The following SPAG16 variants were observed in gnomAD, a reference collection of about 807,000 sequenced individuals.
The protein encoded by SPAG16 is sperm-associated antigen 16 protein.
A neutral mutation model predicts 80.4 loss-of-function variants in SPAG16; 86 were observed. That is an observed-to-expected ratio of 1.07 (90% CI 0.90 to 1.28). The LOEUF (loss-of-function observed/expected upper bound fraction) is 1.28. Among genes scored for constraint, SPAG16 ranks in the 50% most tolerant of loss-of-function variants. The pLI is 0.00. For synonymous variants in SPAG16, 294 were observed against 265.9 expected (o/e 1.11, Z -1.03); for missense variants, 870 against 765.3 (o/e 1.14, Z -1.61).
chr2:214,149,108 C>A, intron 14 of SPAG16, 32 bp from the exon 15 acceptor site: 1 of 1,053,886 alleles, frequency 9.5e-7, no homozygotes, highest in Non-Finnish European at 1.3e-6. Flanking sequence ...CATACATACA[C>A]ATTTTATTTT....
intron 13 of SPAG16, among the ~76,000 whole-genome samples, chr2:214,095,908 T>G (rs1175183127): frequency 1.3e-5 from 2 of 151,934 alleles, no homozygotes; most frequent in Non-Finnish European, 2.9e-5. Flanking sequence ...ACTGTTTCTA[T>G]GGGGGAAAAT....
chr2:214,152,650 A>G (rs547877937), intron 15 of SPAG16, among the ~76,000 whole-genome samples: 201 of 152,284 alleles, frequency 1.3e-3, no homozygotes, highest in Non-Finnish European at 2.1e-3. Flanking sequence ...AGGGACCACT[A>G]CCACCAATGC....
chr2:213,839,544 G>A (rs188653078), intron 10 of SPAG16, among the ~76,000 whole-genome samples: 23 of 152,216 alleles, frequency 1.5e-4, no homozygotes, highest in African/African-American at 5.1e-4. Context: ...TAATCAAGTT[G>A]CAAACTTTGA....
intron 9 of SPAG16, among the ~76,000 whole-genome samples, chr2:213,398,649 C>T (rs923554299): frequency 1.3e-5 from 2 of 152,126 alleles, no homozygotes; most frequent in Non-Finnish European, 2.9e-5. Flanking sequence ...TTTTCATAGC[C>T]ATCCAATCTA....
At chr2:213,686,759 T>C (rs1445860636) in intron 10 of SPAG16, among the ~76,000 whole-genome samples, 1 of 138,028 alleles carries the variant, frequency 7.2e-6, no homozygotes, top group East Asian at 2.4e-4. Context: ...CCGTCTCGGC[T>C]CACTGCAACC....
At chr2:213,418,951 T>C (rs1009912708) in intron 9 of SPAG16, among the ~76,000 whole-genome samples, 9 of 144,342 alleles carry the variant, frequency 6.2e-5, no homozygotes, top group Non-Finnish European at 1.3e-4. Flanking sequence ...TACCCAGTAT[T>C]TGATCAATTT....
chr2:213,915,335 T>C (rs760300274), intron 11 of SPAG16, among the ~76,000 whole-genome samples: 4 of 151,840 alleles, frequency 2.6e-5, no homozygotes, highest in African/African-American at 9.7e-5. Flanking sequence ...TGCGTCCATG[T>C]GTTCTCATTG....
At chr2:214,275,397 A>G (rs934042365) in intron 15 of SPAG16, among the ~76,000 whole-genome samples, 1 of 152,114 alleles carries the variant, frequency 6.6e-6, no homozygotes, top group Non-Finnish European at 1.5e-5. Context: ...TTAGGGTGCC[A>G]ATTTTAGATC....
intron 10 of SPAG16, among the ~76,000 whole-genome samples, chr2:213,835,112 G>C (rs1427354): frequency 0.25 from 37,659 of 151,900 alleles, 5,226 homozygotes; most frequent in South Asian, 0.38. Context: ...GGGAAATTTA[G>C]GAAACCCAAG....
chr2:214,336,089 C>T (rs1020370763), intron 15 of SPAG16, among the ~76,000 whole-genome samples: 3 of 152,028 alleles, frequency 2.0e-5, no homozygotes, highest in Non-Finnish European at 4.4e-5. Flanking sequence ...ATAAAGTACT[C>T]ATTAGTAGTT....
intron 11 of SPAG16, among the ~76,000 whole-genome samples, chr2:213,898,098 A>AT (rs1270091446): frequency 1.3e-5 from 2 of 152,062 alleles, no homozygotes; most frequent in Non-Finnish European, 2.9e-5. Context: ...AGGAGATCTC[A>AT]TTTTTTCCTT....
chr2:213,793,575 T>C (rs1184205030), intron 10 of SPAG16, among the ~76,000 whole-genome samples: 5 of 152,204 alleles, frequency 3.3e-5, no homozygotes, highest in East Asian at 1.9e-4. Flanking sequence ...AAAATACTTA[T>C]GAAAAACTGA....
intron 9 of SPAG16, among the ~76,000 whole-genome samples, chr2:213,413,614 G>A (rs764527537): frequency 2.6e-5 from 4 of 151,914 alleles, no homozygotes; most frequent in South Asian, 2.1e-4. Context: ...AAGATATTAC[G>A]AGCCAAGCAC....
At chr2:214,078,533 C>CAAAAA (rs35101370) in intron 13 of SPAG16, among the ~76,000 whole-genome samples, 1 of 117,136 alleles carries the variant, frequency 8.5e-6, no homozygotes, top group African/African-American at 3.2e-5. Context: ...GAGCCTGTCT[C>CAAAAA]AAAAAAAAAA....
intron 10 of SPAG16, among the ~76,000 whole-genome samples, chr2:213,793,020 G>T (rs910997683): frequency 9.9e-5 from 15 of 151,848 alleles, no homozygotes; most frequent in African/African-American, 3.6e-4. Context: ...TCTGCCTCCT[G>T]GGTTCAAGCG....
intron 12 of SPAG16, among the ~76,000 whole-genome samples, chr2:213,965,600 C>T (rs1465995772): frequency 6.6e-6 from 1 of 152,166 alleles, no homozygotes; most frequent in African/African-American, 2.4e-5. Flanking sequence ...TTCCTTGATT[C>T]TCTCTGTTAA....
chr2:214,197,215 A>G (rs2057867735), intron 15 of SPAG16, among the ~76,000 whole-genome samples: 1 of 152,044 alleles, frequency 6.6e-6, no homozygotes, highest in Non-Finnish European at 1.5e-5. Flanking sequence ...GTTCTGATAC[A>G]ATATATCTTA....
At chr2:213,592,313 A>C (rs950590956) in intron 10 of SPAG16, among the ~76,000 whole-genome samples, 1 of 152,212 alleles carries the variant, frequency 6.6e-6, no homozygotes, top group Non-Finnish European at 1.5e-5. Flanking sequence ...TTTATGTCTC[A>C]GATTGAATCG....
At chr2:214,082,393 T>C (rs16851422) in intron 13 of SPAG16, among the ~76,000 whole-genome samples, 19,698 of 152,204 alleles carry the variant, frequency 0.13, 1,510 homozygotes, top group East Asian at 0.31. Flanking sequence ...TCTTACTGTC[T>C]CATGACTTTT....
Sources: gnomAD v4.1 joint callset for allele counts (sites outside exome capture counted in the v4.1 genomes callset) on GRCh38, gnomAD v4.1.1 for gene constraint, MANE v1.5 for transcripts, NCBI Gene and HGNC (gene_info 2026-07-23, HGNC 2026-07-21) for gene names.